NPAS1: variants seen among roughly 807,000 people sequenced by gnomAD.
NPAS1 encodes the protein neuronal PAS domain protein 1, also known as neuronal PAS domain-containing protein 1.
In NPAS1, 29 loss-of-function variants were observed where a neutral mutation model predicts 49.2. That is an observed-to-expected ratio of 0.59 (90% CI 0.44 to 0.80). NPAS1 has a LOEUF of 0.80. Among genes scored for constraint, NPAS1 ranks in the 30% least tolerant of loss-of-function variants. NPAS1 has a pLI of 0.00. For missense variants in NPAS1, 825 were observed against 835.5 expected, an observed-to-expected ratio of 0.99 and a Z score of 0.15; for synonymous variants, 408 against 380.4, an observed-to-expected ratio of 1.07 and a Z score of -0.84.
intron 7 of NPAS1, 25 bp from the exon 8 acceptor site, chr19:47,039,382 C>T: frequency 1.2e-6 from 2 of 1,610,928 alleles, no homozygotes; most frequent in East Asian, 2.2e-5. Context: ...CTTGTCCCTC[C>T]TCCAACCATG....
chr19:47,041,034 G>A lies in NPAS1; in HGVS notation c.1126G>A (p.Gly376Ser). 6.4e-7 allele frequency: 1 copy of A among 1,574,278 alleles called. No individual in the cohort carries two copies. ...GYYRWLQRAG[G>S]FVWLQSVATV... ...CTACCGTTGGCTGCAGCGTGCCGGGGGCTTCGTGTGGCTGCAGTCTGTGGC... is the reference window on the plus strand; with the variant it reads ...CTACCGTTGGCTGCAGCGTGCCGGGAGCTTCGTGTGGCTGCAGTCTGTGGC... The change falls in exon 10 of 12, where the codon GGC (glycine) becomes AGC (serine). Residue 376 changes from glycine to serine, a missense_variant. Gly to Ser is a moderately conservative substitution (Grantham distance 56). Coordinates refer to ENST00000602212, the MANE Select transcript of NPAS1 (RefSeq NM_002517.4).
intron 5 of NPAS1, among the ~76,000 whole-genome samples, chr19:47,033,543 AG>A (rs2056923080): frequency 6.6e-6 from 1 of 152,026 alleles, no homozygotes; most frequent in Non-Finnish European, 1.5e-5. Flanking sequence ...GCCCAGCCTG[AG>A]GGGGCTATTA....
chr19:47,045,083 T>A, intron 11 of NPAS1, 108 bp from the exon 12 acceptor site: 6 of 1,039,730 alleles, frequency 5.8e-6, no homozygotes, highest in African/African-American at 5.1e-5. Context: ...AAAACCCCAC[T>A]CCCAGCTGAG....
chr19:47,038,903 C>G (rs2056989104), intron 6 of NPAS1, 133 bp from the exon 7 acceptor site: 1 of 699,956 alleles, frequency 1.4e-6, no homozygotes, highest in Non-Finnish European at 2.5e-6. Context: ...TCAAAATCAT[C>G]AGGCATGCCT....
intron 6 of NPAS1, among the ~76,000 whole-genome samples, chr19:47,036,829 CAG>C (rs888300442): frequency 4.0e-5 from 6 of 151,584 alleles, no homozygotes; most frequent in Admixed American, 3.3e-4. Context: ...TTGCAGTGAG[CAG>C]AGATTGTGCC....
In NPAS1 at chr19:47,041,040, G is replaced by C. The variant is rs370217058; in HGVS notation, c.1132G>C (p.Val378Leu). 29 of 1,580,532 alleles carry C rather than the reference G, an allele frequency of 1.8e-5. No individual in the cohort carries two copies. The highest frequency in any genetic ancestry group is 5.9e-5 in the South Asian group (5 of 85,368). Residue 378 changes from valine (V) to leucine (L), a missense_variant, in exon 10 of 12, where the codon GTG (valine) becomes CTG (leucine). Transcript: ENST00000602212. ...YRWLQRAGGF[V>L]WLQSVATVAG... ...TTGGCTGCAGCGTGCCGGGGGCTTC[G>C]TGTGGCTGCAGTCTGTGGCCACAGT... is the stretch of plus-strand genomic sequence containing the variant.
At chr19:47,044,696 C>A (rs896625407) in intron 11 of NPAS1, among the ~76,000 whole-genome samples, 11 of 152,186 alleles carry the variant, frequency 7.2e-5, no homozygotes, top group African/African-American at 2.4e-4. Flanking sequence ...GGCTGTGACA[C>A]CCCAAAATAT....
At chr19:47,041,686 T>C (rs2057022839) in intron 10 of NPAS1, among the ~76,000 whole-genome samples, 2 of 152,166 alleles carry the variant, frequency 1.3e-5, no homozygotes, top group Admixed American at 1.3e-4. Context: ...TTAGAAAGAC[T>C]GCTCTAGACC....
At position 47,042,710 on chromosome 19, in the gene NPAS1, C is replaced by T. The variant is rs537023845; in HGVS notation, c.1218-100C>T. ...TCAGGGTGGGGACTCCACATTTCCC[C>T]GTGGGAGTGTCCACACATTGCCACA... On this transcript the variant is annotated intron_variant, in intron 10 of 11. Coordinates refer to ENST00000602212, the MANE Select transcript of NPAS1 (RefSeq NM_002517.4). 10 of 899,760 alleles carry T rather than the reference C, an allele frequency of 1.1e-5. 1 individual carries two copies. The highest frequency in any genetic ancestry group is 2.6e-4 in the Middle Eastern group (1 of 3,886). The allele number at this position is 899,760 out of a possible 1,614,324, so 55.7% of individuals were successfully genotyped here.
chr19:47,023,885 T>C (rs919811408), intron 3 of NPAS1, among the ~76,000 whole-genome samples: 11 of 152,032 alleles, frequency 7.2e-5, no homozygotes, highest in Non-Finnish European at 1.0e-4. Context: ...GGCGGGCAGA[T>C]CACGAGGTCA....
chr19:47,026,816 A>C (rs573420864), intron 3 of NPAS1, among the ~76,000 whole-genome samples: 1 of 127,468 alleles, frequency 7.8e-6, no homozygotes, highest in Non-Finnish European at 1.7e-5. Flanking sequence ...TTAGCCGGGC[A>C]TGGTGGTGGT....
chr19:47,029,678 G>A (rs1211500549), intron 3 of NPAS1, among the ~76,000 whole-genome samples: 1 of 152,192 alleles, frequency 6.6e-6, no homozygotes, highest in Non-Finnish European at 1.5e-5. Flanking sequence ...TGAGATTACA[G>A]GTGTGAGCCA....
chr19:47,019,851 C>T lies in NPAS1; in HGVS notation c.-189C>T. The stretch of plus-strand genomic sequence containing the variant: ...AAGTCTGCGAGGCCGAGGTGGGCGC[C>T]GAGAGCTGGGCGCCACAGCCCGCGC... On this transcript the variant is annotated 5_prime_UTR_variant, in exon 1 of 12. Transcript: ENST00000602212. 3.2e-6 allele frequency: 1 copy of T among 311,580 alleles called. No individual in the cohort carries two copies. 19.3% of individuals were successfully genotyped at this position (311,580 alleles called of 1,614,324 possible).
chr19:47,043,374 G>C (rs1443412681), intron 11 of NPAS1, among the ~76,000 whole-genome samples: 1 of 151,634 alleles, frequency 6.6e-6, no homozygotes, highest in African/African-American at 2.4e-5. Context: ...CAGATCACCA[G>C]GTCAGGAGAT....
chr19:47,033,660 A>G (rs771845902), intron 5 of NPAS1, among the ~76,000 whole-genome samples: 5 of 152,036 alleles, frequency 3.3e-5, no homozygotes, highest in Non-Finnish European at 5.9e-5. Context: ...CTTCTTAACA[A>G]TTTTAAAGGT....
At position 47,021,887 on chromosome 19, in the gene NPAS1, C is replaced by T; in HGVS notation, c.358+40C>T. On this transcript the variant is annotated intron_variant, in intron 3 of 11. Transcript: ENST00000602212. This position sits in a 1 kb window ranked among gnomAD's most constrained non-coding sequence, Gnocchi z 5.7. ...GCGGGGCGAGGGTCCCGGGGCCCTC[C>T]AGGCGGAGTCACTGCAGCCCAGATC... 7.7e-7 allele frequency: 1 copy of T among 1,301,604 alleles called. No individual in the cohort carries two copies. Among genetic ancestry groups the T allele is most frequent in the Non-Finnish European group, 1.0e-6 (1 of 996,234 alleles). The allele number at this position is 1,301,604 out of a possible 1,614,324, so 80.6% of individuals were successfully genotyped here.
chr19:47,040,450 C>T lies in NPAS1; in HGVS notation c.969C>T (p.Ser323=), dbSNP rs1368530078. 9 of 1,592,460 alleles carry T rather than the reference C, an allele frequency of 5.7e-6. 1 individual carries two copies. The East Asian group carries it at 6.8e-5, about 12-fold the overall frequency. The change falls in exon 9 of 12, where the codon AGC becomes AGT. Residue 323 remains serine, a synonymous_variant. Coordinates refer to ENST00000602212, the MANE Select transcript of NPAS1 (RefSeq NM_002517.4). ...CTTCTCTGTCACCCCCCAGAGTCAGCGACCACATGGACCTGGGGCCCTCAG... is the reference window on the plus strand; with the variant it reads ...CTTCTCTGTCACCCCCCAGAGTCAGTGACCACATGGACCTGGGGCCCTCAG... ...LTILACESRV[S]DHMDLGPSEL...
At position 47,028,884 on chromosome 19, in the gene NPAS1, G is replaced by T. The variant is rs866063105; in HGVS notation, c.359-3394G>T. ...GGGTCCTGGGTGGGGACAGGCTCCGGGACCCCCAGGTCTCTGCCTACCCCC... is the reference window on the plus strand; with the variant it reads ...GGGTCCTGGGTGGGGACAGGCTCCGTGACCCCCAGGTCTCTGCCTACCCCC... On this transcript the variant is annotated intron_variant, in intron 3 of 11. Transcript: ENST00000602212. Among the ~76,000 whole-genome samples the T allele has an allele frequency of 4.1e-4, 63 of 152,156 alleles. 1 individual carries two copies. The highest frequency in any genetic ancestry group is 1.5e-3 in the African/African-American group (61 of 41,512).
Position 47,021,675 on chromosome 19 carries a change from C to A in NPAS1, c.186C>A (p.Asn62Lys). 1 of 1,564,438 alleles carries A rather than the reference C, an allele frequency of 6.4e-7. No homozygotes were observed. The highest frequency in any genetic ancestry group is 8.6e-7 in the Non-Finnish European group (1 of 1,156,482). The change falls in exon 3 of 12, where the codon AAC becomes AAA. Residue 62 changes from asparagine (N) to lysine (K), a missense_variant. By Grantham distance (94) the Asn-to-Lys change is moderately conservative (BLOSUM62 0). Transcript: ENST00000602212. The surrounding 1 kb of genome is among the most constrained non-coding windows in gnomAD (Gnocchi z 5.7). ...CGCGCTCGCGGCGCGGGAAGGAGAA[C>A]CTGGAGTTCTTCGAGCTGGCCAAGC... ...NAARSRRGKE[N>K]LEFFELAKLL...
Sources: allele counts gnomAD v4.1 joint callset (sites outside exome capture counted in the v4.1 genomes callset), GRCh38; gene constraint gnomAD v4.1.1; non-coding constraint Gnocchi (gnomAD v3.1); transcripts MANE v1.5; gene names NCBI Gene and HGNC (gene_info 2026-07-23, HGNC 2026-07-21).